The following DHX35 variants were observed in gnomAD, a reference collection of about 807,000 sequenced individuals.
DHX35 encodes the protein probable ATP-dependent RNA helicase DHX35.
DHX35 carries 84 observed loss-of-function variants against 99.6 expected under a neutral mutation model. That is an observed-to-expected ratio of 0.84 (90% confidence interval 0.71 to 1.01). DHX35 has a LOEUF of 1.01. DHX35 is among the 50% of genes least tolerant of loss of function. DHX35 has a pLI of 0.00. For synonymous variants in DHX35, 331 were observed against 316.2 expected, an observed-to-expected ratio of 1.05 and a Z score of -0.50; for missense variants, 852 against 888.5, an observed-to-expected ratio of 0.96 and a Z score of 0.52.
intron 14 of DHX35, among the ~76,000 whole-genome samples, chr20:39,016,045 A>G (rs1285797660): frequency 2.0e-5 from 3 of 152,120 alleles, no homozygotes; most frequent in African/African-American, 7.2e-5. Context: ...GGTAATTTCT[A>G]AAGAGGTTTA....
chr20:38,968,041 G>A (rs1028005390), intron 1 of DHX35, among the ~76,000 whole-genome samples: 1 of 152,094 alleles, frequency 6.6e-6, no homozygotes, highest in African/African-American at 2.4e-5. Flanking sequence ...ACTTTCCACT[G>A]AGAGGAAGAA....
At chr20:39,013,873 G>A (rs183446879) in intron 13 of DHX35, among the ~76,000 whole-genome samples, 21 of 152,256 alleles carry the variant, frequency 1.4e-4, no homozygotes, top group East Asian at 1.3e-3. Context: ...TCCTGCCCTC[G>A]TGTGTTCACC....
intron 9 of DHX35, among the ~76,000 whole-genome samples, chr20:39,002,245 A>G (rs2086532736): frequency 1.3e-5 from 2 of 152,214 alleles, no homozygotes; most frequent in Admixed American, 6.5e-5. Context: ...GGAGTAGCCT[A>G]CTTGGACAAG....
At chr20:38,981,930 C>A (rs545462224) in intron 3 of DHX35, among the ~76,000 whole-genome samples, 3 of 133,152 alleles carry the variant, frequency 2.3e-5, no homozygotes, top group African/African-American at 5.8e-5. Flanking sequence ...GGCAACAGAG[C>A]GAGACTCTGT....
At position 38,963,342 on chromosome 20, in the gene DHX35, C is replaced by T. The variant is rs547790109; in HGVS notation, c.40+935C>T. ...TATTGCAGCAAAAATGAAATGACAC[C>T]AAGAATGTAATATAAGCAAAGCTTT... On this transcript the variant is annotated intron_variant, in intron 1 of 21. Transcript: ENST00000252011. Among the ~76,000 whole-genome samples the T allele has an allele frequency of 7.2e-5, 11 of 152,250 alleles. No homozygotes were observed. The South Asian group carries it at 2.1e-3, about 29-fold the overall frequency.
chr20:39,021,629 A>G (rs1568755422), intron 15 of DHX35, among the ~76,000 whole-genome samples: 1 of 152,250 alleles, frequency 6.6e-6, no homozygotes, highest in East Asian at 1.9e-4. Context: ...CCACAGGCAC[A>G]TACCACCATG....
At chr20:38,983,803 T>G (rs1568723510) in intron 4 of DHX35, 27 bp downstream of exon 4, 1 of 1,591,320 alleles carries the variant, frequency 6.3e-7, no homozygotes, top group South Asian at 1.1e-5. Flanking sequence ...GTTGGAAAGA[T>G]TCTATCTGTG....
rs904958470 is a variant in DHX35 at position 39,038,636 on chromosome 20, C to T, written c.*93C>T. 5 of 1,341,770 alleles carry T rather than the reference C, an allele frequency of 3.7e-6. No homozygotes were observed. The highest frequency in any genetic ancestry group is 5.2e-6 in the Non-Finnish European group (5 of 967,234). The allele number at this position is 1,341,770 out of a possible 1,614,324, so 83.1% of individuals were successfully genotyped here. ...CAGGTGGGGTGAGCTGGCACCAGCT[C>T]CTGTGGAATGTTTGGTTGCTCTGAA... is the stretch of plus-strand genomic sequence containing the variant. On this transcript the variant is annotated 3_prime_UTR_variant, in exon 22 of 22. Transcript: ENST00000252011.
chr20:39,034,005 C>T (rs558660179), intron 20 of DHX35, among the ~76,000 whole-genome samples: 1 of 152,300 alleles, frequency 6.6e-6, no homozygotes, highest in African/African-American at 2.4e-5. Context: ...GATTTAGAGT[C>T]TCATCTGAAA....
At chr20:38,971,561 T>C (rs1227860195) in intron 2 of DHX35, among the ~76,000 whole-genome samples, 1 of 152,150 alleles carries the variant, frequency 6.6e-6, no homozygotes, top group Non-Finnish European at 1.5e-5. Flanking sequence ...GCCTCCTGAT[T>C]TCTGCTTTGT....
chr20:38,995,895 T>A (rs2086421676), intron 8 of DHX35, among the ~76,000 whole-genome samples: 1 of 152,210 alleles, frequency 6.6e-6, no homozygotes, highest in East Asian at 1.9e-4. Context: ...CATGAGTTCA[T>A]GGAGCTTCGA....
At chr20:38,974,225 G>A (rs1338524280) in intron 3 of DHX35, among the ~76,000 whole-genome samples, 5 of 152,222 alleles carry the variant, frequency 3.3e-5, no homozygotes, top group Admixed American at 3.3e-4. Flanking sequence ...GAAACTGGAG[G>A]AGGCAGGCCA....
In DHX35 at chr20:38,993,671, G is replaced by A. The variant is rs1356889513; in HGVS notation, c.583-1150G>A. Among the ~76,000 whole-genome samples the A allele has an allele frequency of 5.4e-5, 8 of 149,212 alleles. No individual in the cohort carries two copies. In the South Asian group the frequency reaches 1.3e-3, roughly 24 times the overall value. ...TGAGCCACTGTGCCCGGCCACATTG[G>A]CTATTTTTCTTTTCTTTTTTTTTTT... On this transcript the variant is annotated intron_variant, in intron 7 of 21. Coordinates refer to ENST00000252011, the MANE Select transcript of DHX35 (RefSeq NM_021931.4).
chr20:39,031,384 AGTGCAGTGACG>A (rs2087050633), intron 20 of DHX35, among the ~76,000 whole-genome samples: 1 of 139,096 alleles, frequency 7.2e-6, no homozygotes, highest in African/African-American at 2.7e-5. Flanking sequence ...CCCAGGCTGG[AGTGCAGTGACG>A]GCGCTATCTT....
At chr20:38,996,633 C>G (rs2086433734) in intron 8 of DHX35, among the ~76,000 whole-genome samples, 1 of 152,172 alleles carries the variant, frequency 6.6e-6, no homozygotes, top group African/African-American at 2.4e-5. Flanking sequence ...GATGTGGTCC[C>G]TGGCTCCTGG....
intron 5 of DHX35, among the ~76,000 whole-genome samples, 170 bp downstream of exon 5, chr20:38,989,087 T>C (rs2086293693): frequency 1.4e-5 from 2 of 147,678 alleles, no homozygotes; most frequent in South Asian, 4.3e-4. Flanking sequence ...CAGAGAGCTC[T>C]TCCTTTTTTC....
intron 1 of DHX35, among the ~76,000 whole-genome samples, chr20:38,968,094 G>C (rs939882623): frequency 6.6e-6 from 1 of 152,242 alleles, no homozygotes; most frequent in African/African-American, 2.4e-5. Flanking sequence ...GCTGGCATCT[G>C]TATTGTTCAC....
intron 12 of DHX35, among the ~76,000 whole-genome samples, chr20:39,010,025 C>T (rs2086675359): frequency 1.3e-5 from 2 of 151,756 alleles, no homozygotes; most frequent in Admixed American, 6.6e-5. Context: ...GTTTTGCTGA[C>T]AAAAAACATT....
At chr20:38,976,336 C>CTGTGTGTGTGTGTGTGTG (rs11472267) in intron 3 of DHX35, among the ~76,000 whole-genome samples, 1 of 146,064 alleles carries the variant, frequency 6.8e-6, no homozygotes, top group Non-Finnish European at 1.5e-5. Flanking sequence ...AGAGAAGTGT[C>CTGTGTGTGTGTGTGTGTG]TGTGTGTGTG....
Sources: allele counts gnomAD v4.1 joint callset (sites outside exome capture counted in the v4.1 genomes callset), GRCh38; gene constraint gnomAD v4.1.1; transcripts MANE v1.5; gene names NCBI Gene and HGNC (gene_info 2026-07-23, HGNC 2026-07-21).